The following TENM1 variants were observed in gnomAD, a reference collection of about 807,000 sequenced individuals.
TENM1 encodes the protein teneurin-1.
In TENM1, 35 loss-of-function variants were observed where a neutral mutation model predicts 174.8. That is an observed-to-expected ratio of 0.20 (90% CI 0.15 to 0.27). The LOEUF (loss-of-function observed/expected upper bound fraction) is 0.27. Ranked by LOEUF, TENM1 falls within the 10% of genes least tolerant of loss-of-function variation. The pLI is 1.00. For synonymous variants in TENM1, 781 were observed against 798.7 expected, an observed-to-expected ratio of 0.98 and a Z score of 0.37; for missense variants, 1,633 against 2,130.1, an observed-to-expected ratio of 0.77 and a Z score of 4.59.
intron 1 of TENM1, among the ~76,000 whole-genome samples, chrX:124,908,065 T>C (rs1316264389): frequency 8.9e-6 from 1 of 112,231 alleles, no homozygotes; most frequent in African/African-American, 3.2e-5. Context: ...TCCCTAGTCC[T>C]GGGGCAGAAA....
At chrX:124,719,567 C>A (rs1287074516) in intron 4 of TENM1, among the ~76,000 whole-genome samples, 1 of 111,346 alleles carries the variant, frequency 9.0e-6, no homozygotes, top group Non-Finnish European at 1.9e-5. Flanking sequence ...GACTACAATT[C>A]CACTTGAGCA....
intron 3 of TENM1, among the ~76,000 whole-genome samples, chrX:124,852,915 A>T (rs1482353585): frequency 8.9e-6 from 1 of 111,828 alleles, no homozygotes; most frequent in Admixed American, 9.5e-5. Flanking sequence ...ACTTCTACTA[A>T]AAGTAGGATG....
chrX:124,612,574 CA>C (rs1453382830), intron 11 of TENM1, among the ~76,000 whole-genome samples: 2 of 111,441 alleles, frequency 1.8e-5, no homozygotes, highest in African/African-American at 3.3e-5. Flanking sequence ...TTTTTTTACC[CA>C]ACAACAAATT....
rs149956793 is a variant in TENM1 at position 124,677,501 on chromosome X, T to C, written c.1016-5666A>G. On this transcript the variant is annotated intron_variant, in intron 5 of 31. Coordinates refer to ENST00000422452, the Ensembl canonical transcript of TENM1. ...TCTATCACTATTTAAATTGAGAATA[T>C]TCCTTGACCAAGGAATTCTACTTCT... Among the ~76,000 whole-genome samples the C allele has an allele frequency of 6.3e-5, 7 of 111,508 alleles. No homozygotes were observed. The East Asian group carries it at 2.0e-3, about 31-fold the overall frequency.
chrX:124,910,491 C>T (rs1191129592), intron 1 of TENM1, among the ~76,000 whole-genome samples: 1 of 112,084 alleles, frequency 8.9e-6, no homozygotes, highest in African/African-American at 3.2e-5. Flanking sequence ...ATGCCTGGAA[C>T]AGTTGACTCC....
chrX:124,644,300 T>C (rs2051102514), intron 10 of TENM1, among the ~76,000 whole-genome samples: 1 of 106,377 alleles, frequency 9.4e-6, no homozygotes, highest in Admixed American at 1.0e-4. Flanking sequence ...TGCTTGTTCA[T>C]GGAGTGGAAT....
the TENM1 span, among the ~76,000 whole-genome samples, chrX:125,081,008 T>G: frequency 1.8e-5 from 2 of 111,112 alleles, no homozygotes; most frequent in African/African-American, 6.5e-5. Flanking sequence ...AAGCTCAATG[T>G]TTTCATCTAT....
chrX:125,045,228 T>C, the TENM1 span, among the ~76,000 whole-genome samples: 1 of 111,189 alleles, frequency 9.0e-6, no homozygotes. Flanking sequence ...CACAGGTCTG[T>C]CTCTTGACAC....
intron 11 of TENM1, among the ~76,000 whole-genome samples, chrX:124,596,643 G>A (rs968751391): frequency 2.7e-5 from 3 of 111,624 alleles, no homozygotes; most frequent in African/African-American, 9.8e-5. Context: ...TGGCGATGGG[G>A]AAATGAAATA....
intron 23 of TENM1, among the ~76,000 whole-genome samples, chrX:124,449,885 A>G (rs111651888): frequency 1.8e-5 from 2 of 109,577 alleles, no homozygotes; most frequent in African/African-American, 6.5e-5. Flanking sequence ...CCAGTGTTTT[A>G]TAGAGTTGTA....
At chrX:124,650,288 T>G (rs2051271266) in intron 8 of TENM1, among the ~76,000 whole-genome samples, 3 of 109,454 alleles carry the variant, frequency 2.7e-5, no homozygotes, top group South Asian at 7.9e-4. Context: ...AAAATTTACT[T>G]GAGTTTTCTT....
intron 3 of TENM1, among the ~76,000 whole-genome samples, chrX:124,799,806 C>T (rs910740968): frequency 2.7e-5 from 3 of 111,160 alleles, no homozygotes; most frequent in Admixed American, 9.6e-5. Flanking sequence ...GAGTTTTTAA[C>T]GTGAAGGGAT....
At chrX:125,004,685 TTAA>T in the TENM1 span, among the ~76,000 whole-genome samples, 3 of 112,395 alleles carry the variant, frequency 2.7e-5, no homozygotes, top group Admixed American at 9.4e-5. Flanking sequence ...TGTTTAATTA[TTAA>T]TATTTTGTTA....
At chrX:124,987,043 C>T in the TENM1 span, among the ~76,000 whole-genome samples, 4 of 111,741 alleles carry the variant, frequency 3.6e-5, no homozygotes, top group Admixed American at 9.5e-5. Context: ...TTCACCTATC[C>T]CTGGGTTCCT....
chrX:124,715,109 T>C (rs1223271852), intron 4 of TENM1, among the ~76,000 whole-genome samples: 3 of 112,575 alleles, frequency 2.7e-5, no homozygotes, highest in African/African-American at 9.7e-5. Flanking sequence ...ATTTTCATTC[T>C]CTTTATATTT....
At chrX:124,975,601 C>T in the TENM1 span, among the ~76,000 whole-genome samples, 5 of 111,832 alleles carry the variant, frequency 4.5e-5, no homozygotes, top group East Asian at 1.4e-3. Flanking sequence ...CTGTAACCTC[C>T]TCAAGTTTCA....
At position 124,752,120 on chromosome X, in the gene TENM1, T is replaced by C. The variant is rs756716005; in HGVS notation, c.536-14923A>G. Among the ~76,000 whole-genome samples the C allele has an allele frequency of 6.3e-5, 7 of 111,070 alleles. No individual in the cohort carries two copies. The East Asian group carries it at 1.7e-3, about 27-fold the overall frequency. ...TACAGTCCCACCAACAGTGTAAAAG[T>C]GTTCCTATTTCTCCACATCCTCTCC... On this transcript the variant is annotated intron_variant, in intron 3 of 31. Coordinates refer to ENST00000422452, the Ensembl canonical transcript of TENM1.
intron 22 of TENM1, among the ~76,000 whole-genome samples, chrX:124,456,719 T>C (rs1304347881): frequency 8.9e-6 from 1 of 111,868 alleles, no homozygotes; most frequent in African/African-American, 3.2e-5. Flanking sequence ...TCTTTGGAGA[T>C]GGGCATGTGA....
intron 3 of TENM1, among the ~76,000 whole-genome samples, chrX:124,779,960 C>T (rs1292079859): frequency 9.0e-6 from 1 of 111,671 alleles, no homozygotes; most frequent in African/African-American, 3.2e-5. Flanking sequence ...ATTCACAATC[C>T]CATACTTTTA....
Sources: gnomAD v4.1 joint callset for allele counts (sites outside exome capture counted in the v4.1 genomes callset) on GRCh38, gnomAD v4.1.1 for gene constraint, MANE v1.5 for transcripts, NCBI Gene and HGNC (gene_info 2026-07-23, HGNC 2026-07-21) for gene names.